CCDC178: variants seen among roughly 807,000 people sequenced by gnomAD.
The protein encoded by CCDC178 is coiled-coil domain-containing protein 178.
A neutral mutation model predicts 117.4 loss-of-function variants in CCDC178; 126 were observed. The ratio of observed to expected loss-of-function variants is 1.07; its 90% confidence interval spans 0.93 to 1.24. The LOEUF is 1.24. CCDC178 is among the 50% of genes most tolerant of loss of function. The pLI is 0.00. For synonymous variants in CCDC178, 283 were observed against 313.4 expected (o/e 0.90, Z 1.02); for missense variants, 1,030 against 986.9 (o/e 1.04, Z -0.59).
At chr18:33,400,578 A>G (rs931745431) in intron 3 of CCDC178, among the ~76,000 whole-genome samples, 1 of 152,012 alleles carries the variant, frequency 6.6e-6, no homozygotes, top group African/African-American at 2.4e-5. Context: ...CAAGCTTCCA[A>G]CTTTCCCTCT....
intron 22 of CCDC178, among the ~76,000 whole-genome samples, chr18:32,950,375 G>A (rs1032251138): frequency 4.6e-5 from 7 of 152,200 alleles, no homozygotes; most frequent in African/African-American, 1.7e-4. Flanking sequence ...GGTTCATCTT[G>A]TTTGTTTCAT....
At chr18:33,110,010 A>G (rs559469533) in intron 20 of CCDC178, among the ~76,000 whole-genome samples, 6 of 142,844 alleles carry the variant, frequency 4.2e-5, no homozygotes, top group Non-Finnish European at 9.3e-5. Context: ...CAACATTTAA[A>G]AAAAGACTAC....
At chr18:33,151,557 T>C (rs1468736429) in intron 20 of CCDC178, among the ~76,000 whole-genome samples, 1 of 152,124 alleles carries the variant, frequency 6.6e-6, no homozygotes, top group East Asian at 1.9e-4. Flanking sequence ...GAAATGTAAA[T>C]GAGAATATTT....
intron 20 of CCDC178, among the ~76,000 whole-genome samples, chr18:33,160,118 C>T (rs1038848417): frequency 6.6e-6 from 1 of 152,090 alleles, no homozygotes; most frequent in Non-Finnish European, 1.5e-5. Flanking sequence ...AAGCTACTTA[C>T]TTCCATGTTT....
chr18:33,208,369 T>C (rs144942900), intron 20 of CCDC178, among the ~76,000 whole-genome samples: 1 of 152,084 alleles, frequency 6.6e-6, no homozygotes, highest in Non-Finnish European at 1.5e-5. Flanking sequence ...ATATGTCATT[T>C]TTTTTACTCA....
intron 20 of CCDC178, among the ~76,000 whole-genome samples, chr18:33,094,252 C>G (rs982089430): frequency 6.6e-6 from 1 of 152,068 alleles, no homozygotes; most frequent in Middle Eastern, 3.4e-3. Context: ...TTTAAAACTT[C>G]AGAAATTTCT....
intron 2 of CCDC178, among the ~76,000 whole-genome samples, chr18:33,413,892 C>A (rs760707333): frequency 5.3e-5 from 8 of 152,172 alleles, no homozygotes; most frequent in Non-Finnish European, 1.0e-4. Flanking sequence ...GAAATAAAAT[C>A]TATGAGAAGA....
intron 20 of CCDC178, among the ~76,000 whole-genome samples, chr18:33,191,596 A>G (rs190643403): frequency 6.6e-6 from 1 of 152,276 alleles, no homozygotes; most frequent in African/African-American, 2.4e-5. Context: ...AACATTAGCA[A>G]TTTCACTTGG....
At chr18:33,006,272 C>A (rs1481418793) in intron 21 of CCDC178, among the ~76,000 whole-genome samples, 1 of 151,944 alleles carries the variant, frequency 6.6e-6, no homozygotes, top group Non-Finnish European at 1.5e-5. Flanking sequence ...TGCTTCAATG[C>A]ATTATGTAAG....
At chr18:33,341,109 G>A (rs2062811706) in intron 9 of CCDC178, among the ~76,000 whole-genome samples, 1 of 152,186 alleles carries the variant, frequency 6.6e-6, no homozygotes, top group African/African-American at 2.4e-5. Flanking sequence ...TAAGACTGTG[G>A]GAACCTACCT....
chr18:33,162,527 C>T (rs1336637522), intron 20 of CCDC178, among the ~76,000 whole-genome samples: 1 of 152,070 alleles, frequency 6.6e-6, no homozygotes, highest in East Asian at 1.9e-4. Context: ...CATTTCATCA[C>T]CCAGATATTA....
At chr18:33,218,448 T>G (rs1050078148) in intron 18 of CCDC178, among the ~76,000 whole-genome samples, 2 of 152,170 alleles carry the variant, frequency 1.3e-5, no homozygotes, top group African/African-American at 2.4e-5. Flanking sequence ...AGAAGCTCTT[T>G]AGTTTAATTA....
chr18:33,418,345 A>G (rs2063974699), intron 2 of CCDC178, among the ~76,000 whole-genome samples: 1 of 152,178 alleles, frequency 6.6e-6, no homozygotes, highest in Non-Finnish European at 1.5e-5. Context: ...TCTCAAAATA[A>G]TAAGAGCCAT....
chr18:32,971,483 T>C (rs1386837187), intron 22 of CCDC178, among the ~76,000 whole-genome samples: 1 of 152,198 alleles, frequency 6.6e-6, no homozygotes, highest in Admixed American at 6.5e-5. Flanking sequence ...GCAAGAAACA[T>C]ACATGTGCAT....
At chr18:33,107,394 AGAG>A (rs1328868715) in intron 20 of CCDC178, among the ~76,000 whole-genome samples, 2 of 151,670 alleles carry the variant, frequency 1.3e-5, no homozygotes, top group African/African-American at 2.4e-5. Flanking sequence ...AAGTGACTTT[AGAG>A]AGTCTGGACC....
intron 20 of CCDC178, among the ~76,000 whole-genome samples, chr18:33,157,659 A>C (rs1050449885): frequency 6.6e-6 from 1 of 152,162 alleles, no homozygotes; most frequent in African/African-American, 2.4e-5. Context: ...CTGGGGGACC[A>C]GTATAACATT....
At chr18:33,163,188 T>C (rs2058488225) in intron 20 of CCDC178, among the ~76,000 whole-genome samples, 1 of 152,196 alleles carries the variant, frequency 6.6e-6, no homozygotes, top group African/African-American at 2.4e-5. Context: ...TGATCAGTGA[T>C]ATTGAGCGTT....
At position 32,937,938 on chromosome 18, in the gene CCDC178, A is replaced by T. The variant is rs2054154859; in HGVS notation, c.*73T>A. 8.4e-7 allele frequency: 1 copy of T among 1,184,692 alleles called. No individual in the cohort carries two copies. Among genetic ancestry groups the T allele is most frequent in the Non-Finnish European group, 1.3e-6 (1 of 795,356 alleles). The allele number at this position is 1,184,692 out of a possible 1,614,324, so 73.4% of individuals were successfully genotyped here. On this transcript the variant is annotated 3_prime_UTR_variant, in exon 23 of 23. Transcript: ENST00000383096. ...GAAATGGCAAACAGGTGAATGTCCA[A>T]TTACACTGTTATCTGAACTGTGTGA...
chr18:33,399,832 T>C (rs1276105571), intron 3 of CCDC178, among the ~76,000 whole-genome samples: 1 of 152,150 alleles, frequency 6.6e-6, no homozygotes, highest in African/African-American at 2.4e-5. Context: ...TCATGAATAT[T>C]CTCAATGGTG....
Sources: gnomAD v4.1 joint callset for allele counts (sites outside exome capture counted in the v4.1 genomes callset) on GRCh38, gnomAD v4.1.1 for gene constraint, MANE v1.5 for transcripts, NCBI Gene and HGNC (gene_info 2026-07-23, HGNC 2026-07-21) for gene names.